TBX19: variants seen among roughly 807,000 people sequenced by gnomAD.
TBX19 encodes T-box transcription factor TBX19.
A neutral mutation model predicts 40.9 loss-of-function variants in TBX19; 33 were observed. The ratio of observed to expected loss-of-function variants is 0.81; its 90% CI spans 0.61 to 1.08. The LOEUF is 1.08. Among genes scored for constraint, TBX19 ranks in the 50% least tolerant of loss-of-function variants. The pLI, the probability that TBX19 is intolerant of heterozygous loss-of-function variation, is 0.00. For synonymous variants in TBX19, 220 were observed against 225.0 expected (o/e 0.98, Z 0.20); for missense variants, 494 against 574.0 (o/e 0.86, Z 1.42).
intron 2 of TBX19, among the ~76,000 whole-genome samples, chr1:168,292,760 A>G (rs1648974107): frequency 6.9e-6 from 1 of 144,668 alleles, no homozygotes; most frequent in Non-Finnish European, 1.5e-5. Flanking sequence ...GCTACTCGGG[A>G]GGCTGAGGCA....
In TBX19 at chr1:168,302,195, C is replaced by T. The variant is rs112220801; in HGVS notation, c.727+1712C>T. On this transcript the variant is annotated intron_variant, in intron 5 of 7. Transcript: ENST00000367821. The stretch of plus-strand genomic sequence containing the variant: ...GAGGGGCCACTTGCCTGGTTTTGCC[C>T]GCTGGGTGCATGAATCTTGATTCTG... Among the ~76,000 whole-genome samples, 168 of 152,164 alleles carry T rather than the reference C, an allele frequency of 1.1e-3. 1 individual carries two copies. Among genetic ancestry groups the T allele is most frequent in the African/African-American group, 3.9e-3 (163 of 41,522 alleles).
intron 7 of TBX19, among the ~76,000 whole-genome samples, chr1:168,310,512 A>G (rs1265646618): frequency 6.6e-6 from 1 of 151,986 alleles, no homozygotes; most frequent in South Asian, 2.1e-4. Flanking sequence ...GTGGCCCACA[A>G]GGGTGTAGAG....
At chr1:168,311,533 C>T (rs1433424995) in intron 7 of TBX19, among the ~76,000 whole-genome samples, 2 of 152,178 alleles carry the variant, frequency 1.3e-5, no homozygotes, top group Non-Finnish European at 2.9e-5. Context: ...CCAAAGAGGC[C>T]TGTAGCATTG....
chr1:168,300,624 C>A (rs965679477), intron 5 of TBX19, 141 bp downstream of exon 5: 3 of 802,700 alleles, frequency 3.7e-6, no homozygotes, highest in Non-Finnish European at 6.2e-6. Flanking sequence ...CTATTAAGGA[C>A]AAATTTGTGC....
In TBX19 at chr1:168,313,361, G is replaced by A. The variant is rs1649570951; in HGVS notation, c.*359G>A. 2.9e-6 allele frequency: 1 copy of A among 343,282 alleles called. No homozygotes were observed. The highest frequency in any genetic ancestry group is 5.5e-6 in the Non-Finnish European group (1 of 181,482). 21.3% of individuals were successfully genotyped at this position (343,282 alleles called of 1,614,324 possible). ...GAGAAGGTGCAAAGCTGTTAAATGA[G>A]CTCAGAGTTTACCTAGCTAAGGCCA... On this transcript the variant is annotated 3_prime_UTR_variant, in exon 8 of 8. Coordinates refer to ENST00000367821, the MANE Select transcript of TBX19 (RefSeq NM_005149.3).
intron 5 of TBX19, among the ~76,000 whole-genome samples, chr1:168,301,811 A>G (rs2102359929): frequency 6.6e-6 from 1 of 152,320 alleles, no homozygotes; most frequent in Admixed American, 6.5e-5. Context: ...TTTGTATCAC[A>G]CATTCCAGGA....
intron 4 of TBX19, 33 bp from the exon 5 acceptor site, chr1:168,300,389 G>T: frequency 6.2e-7 from 1 of 1,610,820 alleles, no homozygotes; most frequent in South Asian, 1.1e-5. Context: ...TAAAAAGTTG[G>T]ACAGCCATGG....
intron 5 of TBX19, among the ~76,000 whole-genome samples, chr1:168,303,437 TTTG>T (rs1223746772): frequency 6.6e-6 from 1 of 152,222 alleles, no homozygotes; most frequent in African/African-American, 2.4e-5. Flanking sequence ...GATAGAGTCC[TTTG>T]ATAGGACTGT....
intron 6 of TBX19, 69 bp from the exon 7 acceptor site, chr1:168,308,673 A>T: frequency 2.5e-6 from 4 of 1,604,496 alleles, no homozygotes; most frequent in Non-Finnish European, 3.4e-6. Context: ...GCCCTAGGAT[A>T]ATGTCACTGG....
rs999265489 is a variant in TBX19, at chr1:168,310,263, T to A, written c.1052+1386T>A. Reference sequence around the variant, plus strand: ...GTTGCAGTGAGCTGAGGCACTGCACTCCAGCCTGGGCAACAAGAGCGAAAC... The same window carrying A: ...GTTGCAGTGAGCTGAGGCACTGCACACCAGCCTGGGCAACAAGAGCGAAAC... On this transcript the variant is annotated intron_variant, in intron 7 of 7. Coordinates refer to ENST00000367821, the MANE Select transcript of TBX19 (RefSeq NM_005149.3). Among the ~76,000 whole-genome samples the A allele has an allele frequency of 1.7e-4, 25 of 150,622 alleles. 1 individual carries two copies. Among genetic ancestry groups the A allele is most frequent in the Non-Finnish European group, 3.5e-4 (24 of 67,844 alleles).
chr1:168,283,425 C>A (rs534740576), intron 1 of TBX19, among the ~76,000 whole-genome samples: 259 of 152,248 alleles, frequency 1.7e-3, no homozygotes, highest in Middle Eastern at 3.4e-3. Flanking sequence ...AAGACAAGTC[C>A]ATAAGAAATT....
chr1:168,291,573 A>T lies in TBX19; in HGVS notation c.468+149A>T, dbSNP rs1006670795. The T allele has an allele frequency of 4.9e-6, 5 of 1,028,842 alleles. No individual in the cohort carries two copies. In the African/African-American group the frequency reaches 8.0e-5, roughly 17 times the overall value. 63.7% of individuals were successfully genotyped at this position (1,028,842 alleles called of 1,614,324 possible). A position where few individuals can be genotyped will look rare whatever the true frequency, so the allele number is the denominator to read the frequency against. On this transcript the variant is annotated intron_variant, in intron 2 of 7. Coordinates refer to ENST00000367821, the MANE Select transcript of TBX19 (RefSeq NM_005149.3). The stretch of plus-strand genomic sequence containing the variant: ...CAATTATTCCCGGGAGTCCAAATGT[A>T]AACAAGAATAAACAGCTCTTAATTG...
At chr1:168,295,628 C>T (rs1649084638) in intron 3 of TBX19, among the ~76,000 whole-genome samples, 2 of 152,230 alleles carry the variant, frequency 1.3e-5, no homozygotes, top group Admixed American at 1.3e-4. Context: ...AACAGTCCCT[C>T]AGCTGGTGGC....
chr1:168,293,083 T>A, intron 2 of TBX19, 61 bp from the exon 3 acceptor site: 1 of 1,604,670 alleles, frequency 6.2e-7, no homozygotes, highest in Non-Finnish European at 8.5e-7. Context: ...GCTGGCTCCT[T>A]TATCACCTGC....
At chr1:168,308,647 G>A (rs1649459089) in intron 6 of TBX19, 95 bp from the exon 7 acceptor site, 1 of 1,494,490 alleles carries the variant, frequency 6.7e-7, no homozygotes, top group South Asian at 1.1e-5. Flanking sequence ...TGTAGTGCAA[G>A]CCATGGTTAT....
At chr1:168,286,672 A>G (rs895286447) in intron 1 of TBX19, among the ~76,000 whole-genome samples, 2 of 152,176 alleles carry the variant, frequency 1.3e-5, no homozygotes, top group African/African-American at 4.8e-5. Flanking sequence ...TATTATGCAT[A>G]ATGTTGCTAT....
intron 1 of TBX19, among the ~76,000 whole-genome samples, chr1:168,285,757 C>A (rs1387214195): frequency 1.3e-5 from 2 of 152,196 alleles, no homozygotes. Flanking sequence ...TCTATGTTAG[C>A]TACATCTAGG....
At chr1:168,306,626 C>CAAAAAAA (rs56042823) in intron 6 of TBX19, among the ~76,000 whole-genome samples, 9 of 75,192 alleles carry the variant, frequency 1.2e-4, no homozygotes, top group Admixed American at 1.7e-4. Context: ...GACGCCATCT[C>CAAAAAAA]AAAAAAAAAA....
rs1335722876 is a variant in TBX19, at chr1:168,313,466, G to A, written c.*464G>A. 8.5e-6 allele frequency: 2 copies of A among 235,818 alleles called. No homozygotes were observed. The highest frequency in any genetic ancestry group is 1.7e-5 in the Non-Finnish European group (2 of 119,548). 14.6% of individuals were successfully genotyped at this position (235,818 alleles called of 1,614,324 possible). A position where few individuals can be genotyped will look rare whatever the true frequency, so the allele number is the denominator to read the frequency against. On this transcript the variant is annotated 3_prime_UTR_variant, in exon 8 of 8. Transcript: ENST00000367821. Reference sequence around the variant, plus strand: ...CACACTTCTGCTTTGAGACCAGGATGGGGTGTAAGCCATAGAGTAAGGTTA... The same window carrying A: ...CACACTTCTGCTTTGAGACCAGGATAGGGTGTAAGCCATAGAGTAAGGTTA...
Sources: allele counts gnomAD v4.1 joint callset (sites outside exome capture counted in the v4.1 genomes callset), GRCh38; gene constraint gnomAD v4.1.1; transcripts MANE v1.5; gene names NCBI Gene and HGNC (gene_info 2026-07-23, HGNC 2026-07-21).